Variants in RGSL1 observed in about 807,000 individuals in gnomAD.
The protein encoded by RGSL1 is regulator of G protein signaling protein-like.
In RGSL1, 97 loss-of-function variants were observed where a neutral mutation model predicts 124.7. That is an observed-to-expected ratio of 0.78 (90% confidence interval 0.66 to 0.92). RGSL1 has a LOEUF of 0.92. Among genes scored for constraint, RGSL1 ranks in the 40% least tolerant of loss-of-function variants. The probability of loss-of-function intolerance (pLI) is 0.00; values close to 1 mark genes in which losing one functional copy is unlikely to be tolerated. For missense variants in RGSL1, 1,233 were observed against 1,288.4 expected, an observed-to-expected ratio of 0.96 and a Z score of 0.66; for synonymous variants, 424 against 438.1, an observed-to-expected ratio of 0.97 and a Z score of 0.40.
chr1:182,548,103 C>A (rs9787011), intron 15 of RGSL1, among the ~76,000 whole-genome samples: 79,550 of 151,904 alleles, frequency 0.52, 21,039 homozygotes, highest in Non-Finnish European at 0.56. Context: ...GTGGTGAAGA[C>A]ATTCACTTGA....
intron 12 of RGSL1, 29 bp from the exon 13 acceptor site, chr1:182,530,761 G>A: frequency 6.7e-7 from 1 of 1,499,144 alleles, no homozygotes; most frequent in Non-Finnish European, 8.9e-7. Context: ...TTTTTGCCCT[G>A]TTTGATATTA....
At chr1:182,460,196 G>T in intron 4 of RGSL1, 63 bp downstream of exon 4, 1 of 1,483,424 alleles carries the variant, frequency 6.7e-7, no homozygotes, top group East Asian at 2.5e-5. Context: ...AGAAATATAG[G>T]AAGTCACACT....
intron 6 of RGSL1, among the ~76,000 whole-genome samples, chr1:182,478,606 C>T (rs781364367): frequency 2.6e-5 from 4 of 152,088 alleles, no homozygotes; most frequent in Non-Finnish European, 5.9e-5. Context: ...GGGACACCAT[C>T]AAGTGAACCA....
intron 21 of RGSL1, among the ~76,000 whole-genome samples, chr1:182,558,261 G>A (rs1660975856): frequency 6.6e-6 from 1 of 151,988 alleles, no homozygotes; most frequent in East Asian, 1.9e-4. Flanking sequence ...AATATGGGAG[G>A]GGAGGAAAAG....
At chr1:182,498,247 C>T (rs1200059993) in intron 9 of RGSL1, among the ~76,000 whole-genome samples, 1 of 151,794 alleles carries the variant, frequency 6.6e-6, no homozygotes, top group Non-Finnish European at 1.5e-5. Flanking sequence ...GTAAGTGGCA[C>T]CCATTTCAAG....
At position 182,530,375 on chromosome 1, in the gene RGSL1, A is replaced by T. The variant is rs113371705; in HGVS notation, c.2243+14A>T. On this transcript the variant is annotated intron_variant, in intron 12 of 21. Transcript: ENST00000294854. ...AGAAGAAAAGTGGTGAGTATACTCAATTAAGGAAAGGATTCTTCCTGGAGT... is the reference window on the plus strand; with the variant it reads ...AGAAGAAAAGTGGTGAGTATACTCATTTAAGGAAAGGATTCTTCCTGGAGT... 3 of 1,536,060 alleles carry T rather than the reference A, an allele frequency of 2.0e-6. No individual in the cohort carries two copies.
chr1:182,462,484 T>C (rs577987601), intron 4 of RGSL1, among the ~76,000 whole-genome samples: 15 of 152,306 alleles, frequency 9.8e-5, no homozygotes, highest in South Asian at 4.1e-4. Context: ...ATCATCATTG[T>C]AATGATTTAT....
intron 9 of RGSL1, among the ~76,000 whole-genome samples, chr1:182,506,540 AGTC>A (rs1656820556): frequency 6.6e-6 from 1 of 152,146 alleles, no homozygotes; most frequent in African/African-American, 2.4e-5. Flanking sequence ...CCATTTTGAT[AGTC>A]ATTACCTTTT....
intron 15 of RGSL1, among the ~76,000 whole-genome samples, chr1:182,542,925 A>G (rs116115959): frequency 6.6e-6 from 1 of 152,048 alleles, no homozygotes; most frequent in African/African-American, 2.4e-5. Context: ...ACTTTACTGA[A>G]TGTCTGAGTT....
intron 11 of RGSL1, among the ~76,000 whole-genome samples, chr1:182,528,066 G>A (rs775070729): frequency 5.3e-5 from 8 of 152,146 alleles, no homozygotes; most frequent in African/African-American, 1.4e-4. Flanking sequence ...CCACATGGCT[G>A]GGGAGGCCTC....
intron 2 of RGSL1, among the ~76,000 whole-genome samples, chr1:182,456,178 T>C (rs560965699): frequency 2.0e-5 from 3 of 152,202 alleles, no homozygotes; most frequent in Admixed American, 1.3e-4. Context: ...TGGATGGTGG[T>C]GTCAGGCAAC....
chr1:182,472,484 C>T lies in RGSL1; in HGVS notation c.390C>T (p.Ser130=). The T allele has an allele frequency of 6.4e-7, 1 of 1,550,970 alleles. No individual in the cohort carries two copies. The highest frequency in any genetic ancestry group is 8.7e-7 in the Non-Finnish European group (1 of 1,146,498). Reference sequence around the variant, plus strand: ...TGGAAGTGAGAGACTACTACCTGTCCCTCCTCCTCATGCTGAGGGCCACTC... The same window carrying T: ...TGGAAGTGAGAGACTACTACCTGTCTCTCCTCCTCATGCTGAGGGCCACTC... ...MDLEVRDYYL[S]LLLMLRATHL... The change falls in exon 5 of 22, where the codon TCC becomes TCT. Residue 130 remains serine (S), a synonymous_variant. Coordinates refer to ENST00000294854, the MANE Select transcript of RGSL1 (RefSeq NM_001137669.2).
chr1:182,541,041 A>C (rs934185446), intron 15 of RGSL1, among the ~76,000 whole-genome samples: 1 of 152,182 alleles, frequency 6.6e-6, no homozygotes, highest in African/African-American at 2.4e-5. Flanking sequence ...TGTAAAGATC[A>C]ATCAGAGTAA....
At chr1:182,495,773 C>A (rs1000104361) in intron 9 of RGSL1, among the ~76,000 whole-genome samples, 1 of 152,126 alleles carries the variant, frequency 6.6e-6, no homozygotes, top group Non-Finnish European at 1.5e-5. Context: ...ATGTGACCAG[C>A]CATAGATGTG....
At chr1:182,471,305 G>A (rs1653817252) in intron 4 of RGSL1, 1 of 457,400 alleles carries the variant, frequency 2.2e-6, no homozygotes, top group African/African-American at 2.0e-5. Flanking sequence ...ATGGAAAAAG[G>A]CAGACCAGTG....
chr1:182,499,225 A>T (rs1310669333), intron 9 of RGSL1, among the ~76,000 whole-genome samples: 1 of 152,124 alleles, frequency 6.6e-6, no homozygotes, highest in Non-Finnish European at 1.5e-5. Context: ...GGTCTGGAAT[A>T]CCTTTGTTAG....
chr1:182,501,509 G>A (rs1310582623), intron 9 of RGSL1, among the ~76,000 whole-genome samples: 4 of 150,972 alleles, frequency 2.6e-5, no homozygotes, highest in African/African-American at 9.7e-5. Flanking sequence ...ATTAGAGACG[G>A]GGTTTCACCA....
intron 18 of RGSL1, among the ~76,000 whole-genome samples, chr1:182,552,705 G>A (rs1447743129): frequency 1.3e-5 from 2 of 152,194 alleles, no homozygotes; most frequent in Non-Finnish European, 2.9e-5. Flanking sequence ...CATGATTCAG[G>A]GGACGGGGAA....
chr1:182,450,447 C>G (rs1294430734), intron 1 of RGSL1: 11 of 536,500 alleles, frequency 2.1e-5, no homozygotes. Context: ...CACCTCTCCT[C>G]CAGAGAGAAG....
Sources: allele counts gnomAD v4.1 joint callset (sites outside exome capture counted in the v4.1 genomes callset), GRCh38; gene constraint gnomAD v4.1.1; transcripts MANE v1.5; gene names NCBI Gene and HGNC (gene_info 2026-07-23, HGNC 2026-07-21).